The following AGBL4 variants were observed in gnomAD, a reference collection of about 807,000 sequenced individuals.
AGBL4 encodes AGBL carboxypeptidase 4.
AGBL4 carries 58 observed loss-of-function variants against 66.4 expected under a neutral mutation model. The ratio of observed to expected loss-of-function variants is 0.87; its 90% CI spans 0.71 to 1.09. The LOEUF (loss-of-function observed/expected upper bound fraction) is 1.09. Among genes scored for constraint, AGBL4 ranks in the 50% least tolerant of loss-of-function variants. The pLI is 0.00. For synonymous variants in AGBL4, 234 were observed against 222.9 expected (o/e 1.05, Z -0.44); for missense variants, 579 against 631.0 (o/e 0.92, Z 0.88).
intron 5 of AGBL4, among the ~76,000 whole-genome samples, chr1:48,928,872 A>G (rs2148900470): frequency 6.6e-6 from 1 of 152,296 alleles, no homozygotes; most frequent in East Asian, 1.9e-4. Flanking sequence ...CTTTCCTGCA[A>G]AATCTTCATT....
chr1:48,845,234 C>T (rs1321938182), intron 6 of AGBL4, among the ~76,000 whole-genome samples: 3 of 152,156 alleles, frequency 2.0e-5, no homozygotes, highest in Admixed American at 6.5e-5. Context: ...AAGTGCTTGT[C>T]ACTGTGACAG....
At chr1:49,047,773 G>T (rs1644115877) in intron 4 of AGBL4, among the ~76,000 whole-genome samples, 1 of 152,068 alleles carries the variant, frequency 6.6e-6, no homozygotes, top group Non-Finnish European at 1.5e-5. Context: ...GTCTAGTTTG[G>T]TTAAAACAAG....
chr1:50,014,566 G>GTCTTGC (rs1661820363), intron 1 of AGBL4, among the ~76,000 whole-genome samples: 1 of 129,810 alleles, frequency 7.7e-6, no homozygotes, highest in African/African-American at 2.9e-5. Context: ...TTTGGAGAGA[G>GTCTTGC]TCTTGCTCTG....
chr1:49,419,864 G>A (rs955697627), intron 3 of AGBL4, among the ~76,000 whole-genome samples: 2 of 152,172 alleles, frequency 1.3e-5, no homozygotes, highest in Admixed American at 1.3e-4. Flanking sequence ...TGGCTTAGGA[G>A]GGGATAGGAT....
chr1:49,033,968 C>G (rs1214208526), intron 5 of AGBL4, among the ~76,000 whole-genome samples: 1 of 152,008 alleles, frequency 6.6e-6, no homozygotes, highest in Non-Finnish European at 1.5e-5. Flanking sequence ...CACCCTACCC[C>G]TGATCTGGGA....
chr1:49,029,229 G>A (rs536875936), intron 5 of AGBL4, among the ~76,000 whole-genome samples: 2 of 152,178 alleles, frequency 1.3e-5, no homozygotes, highest in Admixed American at 6.5e-5. Context: ...GTAATTAGGT[G>A]AGAAAAGAAA....
At chr1:49,471,945 A>G (rs1646753899) in intron 3 of AGBL4, 1 of 151,948 alleles carries the variant, frequency 6.6e-6, no homozygotes, top group Non-Finnish European at 1.5e-5. Flanking sequence ...CTCCACCTAC[A>G]CCACTATGGT....
chr1:48,804,209 C>A (rs1310964868), intron 6 of AGBL4, among the ~76,000 whole-genome samples: 1 of 152,146 alleles, frequency 6.6e-6, no homozygotes, highest in East Asian at 1.9e-4. Context: ...ATTTTCCTGC[C>A]TGGTTTATCT....
At chr1:49,551,623 T>C (rs1652961242) in intron 3 of AGBL4, among the ~76,000 whole-genome samples, 1 of 152,208 alleles carries the variant, frequency 6.6e-6, no homozygotes, top group African/African-American at 2.4e-5. Context: ...CTGGGGGTTG[T>C]CTGTACAGAC....
At chr1:49,397,646 C>A (rs1021715259) in intron 3 of AGBL4, among the ~76,000 whole-genome samples, 1 of 152,062 alleles carries the variant, frequency 6.6e-6, no homozygotes, top group African/African-American at 2.4e-5. Flanking sequence ...AGCAAACAAA[C>A]AAACAATGAC....
At chr1:49,762,574 A>G (rs1260058203) in intron 2 of AGBL4, among the ~76,000 whole-genome samples, 3 of 151,828 alleles carry the variant, frequency 2.0e-5, no homozygotes, top group African/African-American at 7.3e-5. Flanking sequence ...CACCATGCCC[A>G]GCTAATTTTT....
At chr1:48,765,910 A>G (rs911235823) in intron 6 of AGBL4, among the ~76,000 whole-genome samples, 5 of 152,160 alleles carry the variant, frequency 3.3e-5, no homozygotes, top group African/African-American at 9.7e-5. Context: ...GAGCAGGGGG[A>G]AAAGGGCAAT....
chr1:49,370,114 A>G (rs1570543086), intron 3 of AGBL4, among the ~76,000 whole-genome samples: 1 of 139,630 alleles, frequency 7.2e-6, no homozygotes, highest in African/African-American at 2.7e-5. Flanking sequence ...ACAATATATA[A>G]TATATTATTT....
At chr1:49,583,011 A>G (rs567606129) in intron 3 of AGBL4, among the ~76,000 whole-genome samples, 1 of 152,306 alleles carries the variant, frequency 6.6e-6, no homozygotes, top group East Asian at 1.9e-4. Flanking sequence ...CCTGGTGCAG[A>G]GTTCCTAAAA....
rs184052670 is a variant in AGBL4, at chr1:48,857,275, G to A, written c.634+9916C>T. On this transcript the variant is annotated intron_variant, in intron 6 of 13. Transcript: ENST00000371839. ...TGGACAACATAATTCCATGAAGATA[G>A]AATAGTCTTCTCAACAAATAGTTCT... 2.2e-3 allele frequency among the ~76,000 whole-genome samples: 333 copies of A among 152,270 alleles called. 1 individual carries two copies. Among genetic ancestry groups the A allele is most frequent in the Non-Finnish European group, 3.3e-3 (224 of 68,016 alleles).
intron 4 of AGBL4, among the ~76,000 whole-genome samples, chr1:49,061,096 G>C (rs1644393836): frequency 6.6e-6 from 1 of 152,190 alleles, no homozygotes; most frequent in Non-Finnish European, 1.5e-5. Context: ...AGGAGGGGCA[G>C]AAGGCATAAG....
At chr1:48,869,293 G>A (rs1418704706) in intron 5 of AGBL4, among the ~76,000 whole-genome samples, 1 of 152,216 alleles carries the variant, frequency 6.6e-6, no homozygotes, top group Non-Finnish European at 1.5e-5. Context: ...ATGTGGGCTA[G>A]AAGGAACGCT....
chr1:48,994,692 T>C (rs1220451479), intron 5 of AGBL4, among the ~76,000 whole-genome samples: 1 of 152,206 alleles, frequency 6.6e-6, no homozygotes, highest in East Asian at 1.9e-4. Flanking sequence ...ATATATGGCT[T>C]ACTTATGATG....
intron 6 of AGBL4, among the ~76,000 whole-genome samples, chr1:48,815,727 A>G (rs1386376824): frequency 6.6e-6 from 1 of 152,236 alleles, no homozygotes; most frequent in Admixed American, 6.5e-5. Context: ...GGGAGAGAAT[A>G]TATTATAAAC....
Sources: allele counts gnomAD v4.1 joint callset (sites outside exome capture counted in the v4.1 genomes callset), GRCh38; gene constraint gnomAD v4.1.1; transcripts MANE v1.5; gene names NCBI Gene and HGNC (gene_info 2026-07-23, HGNC 2026-07-21).